Variants in WWOX observed in about 807,000 individuals in gnomAD.
WWOX encodes WW domain containing oxidoreductase, also known as WW domain-containing oxidoreductase.
In WWOX, 69 loss-of-function variants were observed where a neutral mutation model predicts 46.2. The observed-to-expected ratio is 1.49, with a 90% confidence interval of 1.23 to 1.82. The LOEUF is 1.82. Among genes scored for constraint, WWOX ranks in the 40% most tolerant of loss-of-function variants. The pLI is 0.00. For missense variants in WWOX, 919 were observed against 542.6 expected, an observed-to-expected ratio of 1.69 and a Z score of -6.89; for synonymous variants, 359 against 202.6, an observed-to-expected ratio of 1.77 and a Z score of -6.56.
intron 8 of WWOX, among the ~76,000 whole-genome samples, chr16:79,174,760 A>C (rs1390730593): frequency 1.3e-5 from 2 of 152,244 alleles, no homozygotes; most frequent in Admixed American, 6.5e-5. Flanking sequence ...AGCAGTACTC[A>C]TGGTTAATTT....
Position 78,704,420 on chromosome 16 carries a change from G to C in WWOX, c.1056+271668G>C, listed in dbSNP as rs570824145. On this transcript the variant is annotated intron_variant, in intron 8 of 8. Coordinates refer to ENST00000566780, the MANE Select transcript of WWOX (RefSeq NM_016373.4). The stretch of plus-strand genomic sequence containing the variant: ...ATACATATAATGCACAATACATGTA[G>C]TGCCAACAAGAATTATAGTTTCTGT... Among the ~76,000 whole-genome samples, 17 of 152,174 alleles carry C rather than the reference G, an allele frequency of 1.1e-4. No individual in the cohort carries two copies. The South Asian group carries it at 3.3e-3, about 30-fold the overall frequency.
intron 4 of WWOX, among the ~76,000 whole-genome samples, chr16:78,144,448 C>CGTCT (rs71380475): frequency 1.7e-4 from 3 of 17,580 alleles, no homozygotes; most frequent in African/African-American, 4.3e-4. Context: ...TATATATATA[C>CGTCT]ACATATATAT....
intron 8 of WWOX, among the ~76,000 whole-genome samples, chr16:78,797,261 G>A (rs945477650): frequency 6.8e-6 from 1 of 146,384 alleles, no homozygotes; most frequent in African/African-American, 2.6e-5. Context: ...ATGATCTCAA[G>A]TCAGCCACCT....
chr16:78,660,597 C>G (rs540161919), intron 8 of WWOX, among the ~76,000 whole-genome samples: 1 of 152,038 alleles, frequency 6.6e-6, no homozygotes, highest in African/African-American at 2.4e-5. Context: ...GCTTGTTTTG[C>G]TTGCCACCAG....
chr16:78,815,887 G>A (rs1436989085), intron 8 of WWOX, among the ~76,000 whole-genome samples: 6 of 152,096 alleles, frequency 3.9e-5, no homozygotes, highest in Non-Finnish European at 2.9e-5. Flanking sequence ...TGACTTCCAA[G>A]ATATATACAG....
At chr16:78,971,163 G>C (rs1380619451) in intron 8 of WWOX, among the ~76,000 whole-genome samples, 1 of 152,026 alleles carries the variant, frequency 6.6e-6, no homozygotes, top group African/African-American at 2.4e-5. Flanking sequence ...CTGTGGTCAA[G>C]AGATAGACTT....
In WWOX at chr16:78,394,336, TTA is replaced by T. The variant is rs1204674501; in HGVS notation, c.605+7390_605+7391del. ...TGAATGCTCTAAATCTAGCTCTTAA[TTA>T]TGATTTTTTAAGGAAAATTTTGAAA... On this transcript the variant is annotated intron_variant, in intron 6 of 8. Coordinates refer to ENST00000566780, the MANE Select transcript of WWOX (RefSeq NM_016373.4). Among the ~76,000 whole-genome samples, 15 of 152,316 alleles carry T rather than the reference TTA, an allele frequency of 9.8e-5. No homozygotes were observed. In the East Asian group the frequency reaches 2.5e-3, roughly 25 times the overall value.
intron 8 of WWOX, among the ~76,000 whole-genome samples, chr16:78,772,643 T>C (rs187742974): frequency 4.6e-5 from 7 of 152,352 alleles, no homozygotes; most frequent in Admixed American, 2.6e-4. Context: ...TGGCTACTAC[T>C]AGCTAATTCC....
At chr16:79,045,207 C>G (rs893033514) in intron 8 of WWOX, among the ~76,000 whole-genome samples, 24 of 152,176 alleles carry the variant, frequency 1.6e-4, no homozygotes, top group African/African-American at 3.6e-4. Flanking sequence ...GAACCAAGTT[C>G]TTATGTGGTG....
intron 8 of WWOX, among the ~76,000 whole-genome samples, chr16:79,139,015 G>A (rs2050036301): frequency 6.6e-6 from 1 of 152,090 alleles, no homozygotes; most frequent in South Asian, 2.1e-4. Context: ...TTTCTCTCCT[G>A]AAATATTACA....
At chr16:78,455,784 G>T (rs971411534) in intron 8 of WWOX, among the ~76,000 whole-genome samples, 1 of 139,160 alleles carries the variant, frequency 7.2e-6, no homozygotes, top group African/African-American at 3.2e-5. Flanking sequence ...CCTGGGGGAG[G>T]TGAAGGTTAA....
intron 7 of WWOX, among the ~76,000 whole-genome samples, chr16:78,429,193 C>T (rs568258301): frequency 2.0e-5 from 3 of 152,150 alleles, no homozygotes; most frequent in Non-Finnish European, 2.9e-5. Context: ...AATTGACTTA[C>T]AGTCTGGTAT....
intron 4 of WWOX, among the ~76,000 whole-genome samples, chr16:78,143,752 G>GTTTTTTTTTTTTTTTTTTTTTT (rs200125720): frequency 2.5e-5 from 3 of 120,240 alleles, no homozygotes; most frequent in Non-Finnish European, 3.4e-5. Context: ...GAATTGGTAT[G>GTTTTTTTTTTTTTTTTTTTTTT]TTTTTTTTTT....
intron 7 of WWOX, among the ~76,000 whole-genome samples, chr16:78,426,835 T>C (rs1206954126): frequency 1.3e-5 from 2 of 152,136 alleles, no homozygotes; most frequent in East Asian, 3.9e-4. Context: ...GGCTAATTTT[T>C]GTATTTTTAG....
intron 4 of WWOX, among the ~76,000 whole-genome samples, chr16:78,121,330 A>G (rs936634938): frequency 6.6e-6 from 1 of 152,250 alleles, no homozygotes; most frequent in Admixed American, 6.5e-5. Context: ...TTTTGAAGTT[A>G]CTTTGTTCTA....
intron 8 of WWOX, among the ~76,000 whole-genome samples, chr16:78,675,963 C>T (rs1054769572): frequency 1.3e-5 from 2 of 151,964 alleles, no homozygotes; most frequent in African/African-American, 4.8e-5. Flanking sequence ...CACCACAAAC[C>T]ATTTAAATCA....
chr16:79,025,855 A>C (rs35963664), intron 8 of WWOX, among the ~76,000 whole-genome samples: 64,539 of 139,740 alleles, frequency 0.46, 15,055 homozygotes, highest in East Asian at 0.64. Flanking sequence ...CTGGAGTGCA[A>C]CGGCACAATC....
At chr16:79,080,022 G>C (rs2048731186) in intron 8 of WWOX, among the ~76,000 whole-genome samples, 3 of 152,196 alleles carry the variant, frequency 2.0e-5, no homozygotes, top group Non-Finnish European at 4.4e-5. Flanking sequence ...ACCACGCACT[G>C]CTTTAGGCAC....
At chr16:78,785,793 A>G (rs1270397965) in intron 8 of WWOX, among the ~76,000 whole-genome samples, 1 of 151,868 alleles carries the variant, frequency 6.6e-6, no homozygotes, top group East Asian at 2.0e-4. Flanking sequence ...TTCTTTGCTG[A>G]ATTGGATAAT....
Sources: gnomAD v4.1 joint callset for allele counts (sites outside exome capture counted in the v4.1 genomes callset) on GRCh38, gnomAD v4.1.1 for gene constraint, MANE v1.5 for transcripts, NCBI Gene and HGNC (gene_info 2026-07-23, HGNC 2026-07-21) for gene names.